PLPP4: variants seen among roughly 807,000 people sequenced by gnomAD.
PLPP4 encodes the protein diacylglycerol pyrophosphate like 2.
A neutral mutation model predicts 32.2 loss-of-function variants in PLPP4; 20 were observed. The ratio of observed to expected loss-of-function variants is 0.62; its 90% CI spans 0.44 to 0.90. The LOEUF (loss-of-function observed/expected upper bound fraction) is 0.90, where lower values mean the gene tolerates loss of function less well. Ranked by LOEUF, PLPP4 falls within the 40% of genes least tolerant of loss-of-function variation. PLPP4 has a pLI of 0.00. For synonymous variants in PLPP4, 127 were observed against 133.0 expected (o/e 0.95, Z 0.31); for missense variants, 257 against 353.1 (o/e 0.73, Z 2.18).
At chr10:120,543,261 C>T (rs1409904659) in intron 5 of PLPP4, among the ~76,000 whole-genome samples, 1 of 152,196 alleles carries the variant, frequency 6.6e-6, no homozygotes, top group Non-Finnish European at 1.5e-5. Context: ...CCTCCTCAAG[C>T]TGGCATTGTC....
intron 5 of PLPP4, among the ~76,000 whole-genome samples, chr10:120,573,121 A>G (rs1339858193): frequency 6.6e-6 from 1 of 152,210 alleles, no homozygotes; most frequent in Non-Finnish European, 1.5e-5. Flanking sequence ...GACTCTAGCC[A>G]TAGAACTTGC....
intron 5 of PLPP4, among the ~76,000 whole-genome samples, chr10:120,574,745 A>G (rs551432998): frequency 2.2e-4 from 34 of 152,294 alleles, no homozygotes; most frequent in Admixed American, 6.5e-4. Context: ...ATCACATTAT[A>G]TTAAAATTAT....
intron 1 of PLPP4, among the ~76,000 whole-genome samples, chr10:120,500,243 G>A (rs574926651): frequency 8.5e-5 from 13 of 152,270 alleles, no homozygotes; most frequent in African/African-American, 2.4e-4. Flanking sequence ...CAAACAAGAC[G>A]AGGAAGGAAG....
At chr10:120,457,391 C>T in intron 1 of PLPP4, 30 bp downstream of exon 1, 1 of 1,525,182 alleles carries the variant, frequency 6.6e-7, no homozygotes, top group Non-Finnish European at 8.8e-7. Flanking sequence ...GGGCAGGGCG[C>T]ACTGACGCGG....
intron 5 of PLPP4, among the ~76,000 whole-genome samples, chr10:120,528,262 G>A (rs2133928338): frequency 6.6e-6 from 1 of 152,140 alleles, no homozygotes; most frequent in East Asian, 1.9e-4. Context: ...TTTTAGTAGA[G>A]ACGGGGTTTC....
At chr10:120,500,759 A>G (rs1049486620) in intron 1 of PLPP4, among the ~76,000 whole-genome samples, 20 of 152,182 alleles carry the variant, frequency 1.3e-4, no homozygotes, top group African/African-American at 4.8e-4. Context: ...CTAAGCTGGT[A>G]TAATCCGAAG....
At chr10:120,461,027 A>G (rs1212709567) in intron 1 of PLPP4, among the ~76,000 whole-genome samples, 1 of 152,176 alleles carries the variant, frequency 6.6e-6, no homozygotes, top group Non-Finnish European at 1.5e-5. Flanking sequence ...CCTGTGAGCA[A>G]TTCCTTCCAT....
chr10:120,521,113 A>C lies in PLPP4; in HGVS notation c.445+18A>C. The C allele has an allele frequency of 6.2e-7, 1 of 1,613,556 alleles. No individual in the cohort carries two copies. Among genetic ancestry groups the C allele is most frequent in the Non-Finnish European group, 8.5e-7 (1 of 1,179,782 alleles). The stretch of plus-strand genomic sequence containing the variant: ...TTCCTCCTGTAAGTTCATGGCTGGG[A>C]TTCTCTTAATGCCCCCAGTCATGTT... On this transcript the variant is annotated intron_variant, in intron 5 of 6. Coordinates refer to ENST00000398250, the MANE Select transcript of PLPP4 (RefSeq NM_001030059.3).
chr10:120,495,515 T>C (rs1264687732), intron 1 of PLPP4, among the ~76,000 whole-genome samples: 2 of 152,162 alleles, frequency 1.3e-5, no homozygotes, highest in African/African-American at 2.4e-5. Context: ...CTTTTCCCCA[T>C]TGCCCGAGAG....
chr10:120,581,065 C>T (rs534087713), intron 6 of PLPP4: 77 of 1,281,326 alleles, frequency 6.0e-5, no homozygotes, highest in Admixed American at 2.1e-4. Flanking sequence ...CCCCTCCCTC[C>T]GGTCAAAGTC....
chr10:120,475,910 AC>A (rs10712633), intron 1 of PLPP4, among the ~76,000 whole-genome samples: 118,218 of 152,180 alleles, frequency 0.78, 47,978 homozygotes, highest in East Asian at 0.93. Flanking sequence ...GGCGGGGGGC[AC>A]CAGTGTCCAC....
rs574287358 is a variant in PLPP4, at chr10:120,557,574, TG to T, written c.446-17555del. On this transcript the variant is annotated intron_variant, in intron 5 of 6. Transcript: ENST00000398250. ...TTGAGGAGCACAGCTTCTGTTTTTCTGGTTAGCTGAATCACAGTTGTCACAA... is the reference window on the plus strand; with the variant it reads ...TTGAGGAGCACAGCTTCTGTTTTTCTGTTAGCTGAATCACAGTTGTCACAA... Among the ~76,000 whole-genome samples, 90 of 152,330 alleles carry T rather than the reference TG, an allele frequency of 5.9e-4. 1 individual carries two copies. The highest frequency in any genetic ancestry group is 2.1e-3 in the African/African-American group (86 of 41,574).
intron 5 of PLPP4, among the ~76,000 whole-genome samples, chr10:120,574,808 A>G (rs542778482): frequency 1.3e-5 from 2 of 152,350 alleles, no homozygotes; most frequent in South Asian, 4.1e-4. Context: ...GACTCCAGAG[A>G]TAGTATCTGA....
chr10:120,537,907 G>A (rs1195638523), intron 5 of PLPP4, among the ~76,000 whole-genome samples: 6 of 150,694 alleles, frequency 4.0e-5, no homozygotes, highest in African/African-American at 1.5e-4. Flanking sequence ...TCTGGAAATT[G>A]TCCCAATCCT....
chr10:120,587,524 TATTC>T (rs1224680433), intron 6 of PLPP4: 1 of 152,240 alleles, frequency 6.6e-6, no homozygotes, highest in African/African-American at 2.4e-5. Flanking sequence ...AAGATAAAGC[TATTC>T]ATTATAGAAC....
intron 5 of PLPP4, among the ~76,000 whole-genome samples, chr10:120,559,135 G>C (rs1396819667): frequency 6.6e-6 from 1 of 152,022 alleles, no homozygotes; most frequent in Non-Finnish European, 1.5e-5. Context: ...ATGGATCTTA[G>C]CTTTTCTCTT....
intron 5 of PLPP4, among the ~76,000 whole-genome samples, chr10:120,562,718 A>G (rs1848493905): frequency 6.6e-6 from 1 of 152,222 alleles, no homozygotes; most frequent in South Asian, 2.1e-4. Flanking sequence ...AATTCCTGGA[A>G]TTAACCTACC....
chr10:120,518,986 T>C lies in PLPP4; in HGVS notation c.320+90T>C, dbSNP rs1256809954. 6.4e-6 allele frequency: 6 copies of C among 934,460 alleles called. No homozygotes were observed. The Admixed American group carries it at 1.1e-4, about 17-fold the overall frequency. The allele number at this position is 934,460 out of a possible 1,614,324, so 57.9% of individuals were successfully genotyped here. A position where few individuals can be genotyped will look rare whatever the true frequency, so the allele number is the denominator to read the frequency against. On this transcript the variant is annotated intron_variant, in intron 4 of 6. Coordinates refer to ENST00000398250, the MANE Select transcript of PLPP4 (RefSeq NM_001030059.3). ...CCAGAGGACACTGGATGGGACAGATTTGAGCTCATCTAGTTCTCCCTTAAA... is the reference window on the plus strand; with the variant it reads ...CCAGAGGACACTGGATGGGACAGATCTGAGCTCATCTAGTTCTCCCTTAAA...
intron 1 of PLPP4, among the ~76,000 whole-genome samples, chr10:120,494,781 C>T (rs1044736875): frequency 1.3e-5 from 2 of 152,220 alleles, no homozygotes; most frequent in Admixed American, 1.3e-4. Flanking sequence ...TTTTCCACCT[C>T]CTTCCCTGTG....
Sources: gnomAD v4.1 joint callset for allele counts (sites outside exome capture counted in the v4.1 genomes callset) on GRCh38, gnomAD v4.1.1 for gene constraint, MANE v1.5 for transcripts, NCBI Gene and HGNC (gene_info 2026-07-23, HGNC 2026-07-21) for gene names.